The following RHD variants were observed in gnomAD, a reference collection of about 807,000 sequenced individuals.
The protein encoded by RHD is blood group Rh(D) polypeptide.
In RHD, 16 loss-of-function variants were observed where a neutral mutation model predicts 45.5. The observed-to-expected ratio is 0.35, with a 90% confidence interval of 0.24 to 0.53. The LOEUF (loss-of-function observed/expected upper bound fraction) is 0.53, where lower values mean the gene tolerates loss of function less well. RHD is among the 20% of genes least tolerant of loss of function. The probability of loss-of-function intolerance (pLI) is 0.92; values close to 1 mark genes in which losing one functional copy is unlikely to be tolerated. For missense variants in RHD, 306 were observed against 532.0 expected, an observed-to-expected ratio of 0.58 and a Z score of 4.18; for synonymous variants, 131 against 217.5, an observed-to-expected ratio of 0.60 and a Z score of 3.50.
intron 1 of RHD, among the ~76,000 whole-genome samples, chr1:25,275,938 CTG>C (rs1282435446): frequency 1.5e-5 from 2 of 132,524 alleles, no homozygotes; most frequent in African/African-American, 5.2e-5. Context: ...TGCTTCCAAT[CTG>C]TGTTTTTCTG....
rs1371568210 is a variant in RHD at position 25,313,013 on chromosome 1, G to A, written c.1074-3987G>A. ...AGAAGGACATGCATTTTGGGGGCTG[G>A]GGCAGGATGCTGTGGTTTGAATGCA... On this transcript the variant is annotated intron_variant, in intron 7 of 9. Transcript: ENST00000328664. Among the ~76,000 whole-genome samples the A allele has an allele frequency of 1.6e-5, 2 of 121,668 alleles. 1 individual carries two copies. The highest frequency in any genetic ancestry group is 5.5e-5 in the African/African-American group (2 of 36,638). The allele number at this position is 121,668 out of a possible 152,430, so 79.8% of individuals were successfully genotyped here.
chr1:25,320,189 C>T (rs1372848098), intron 8 of RHD, among the ~76,000 whole-genome samples: 4 of 131,984 alleles, frequency 3.0e-5, no homozygotes, highest in African/African-American at 5.2e-5. Context: ...TAAGCCACTG[C>T]GACCGGCCGA....
chr1:25,287,942 G>C lies in RHD; in HGVS notation c.336-2699G>C, dbSNP rs374101697. ...TTCACCAGGTGGGTCAGGTTGGTCT[G>C]GAACTCCCGACCTCAAGTGATCCAC... On this transcript the variant is annotated intron_variant, in intron 2 of 9. Transcript: ENST00000328664. Among the ~76,000 whole-genome samples, 159 of 131,976 alleles carry C rather than the reference G, an allele frequency of 1.2e-3. 31 individuals are homozygous for C. The South Asian group carries it at 0.018, about 15-fold the overall frequency. The allele number at this position is 131,976 out of a possible 152,430, so 86.6% of individuals were successfully genotyped here. A position where few individuals can be genotyped will look rare whatever the true frequency, so the allele number is the denominator to read the frequency against.
At chr1:25,285,128 C>A (rs1254800434) in intron 2 of RHD, among the ~76,000 whole-genome samples, 1 of 131,134 alleles carries the variant, frequency 7.6e-6, no homozygotes, top group Admixed American at 7.3e-5. Flanking sequence ...CCTAGAGAGA[C>A]ATTCTATTTT....
chr1:25,304,486 G>T lies in RHD; in HGVS notation c.939+1027G>T, dbSNP rs1466638214. On this transcript the variant is annotated intron_variant, in intron 6 of 9. Coordinates refer to ENST00000328664, the MANE Select transcript of RHD (RefSeq NM_016124.6). ...GGTGGCGGGCACCTGTCATCTTAGC[G>T]ACTCAGGAGGCTGAGACACGAGAAT... is the stretch of plus-strand genomic sequence containing the variant. 1.2e-4 allele frequency: 15 copies of T among 129,508 alleles called. 5 individuals are homozygous for T. Among genetic ancestry groups the T allele is most frequent in the Admixed American group, 4.5e-4 (6 of 13,312 alleles). The allele number at this position is 129,508 out of a possible 1,614,324, so 8.0% of individuals were successfully genotyped here. A position where few individuals can be genotyped will look rare whatever the true frequency, so the allele number is the denominator to read the frequency against.
chr1:25,285,426 G>T lies in RHD; in HGVS notation c.335+667G>T, dbSNP rs1259674493. ...TGGGATTACAGACATGAGCCACCGCGTCCAGCCTGAGAGACATTCTCTTGA... is the reference window on the plus strand; with the variant it reads ...TGGGATTACAGACATGAGCCACCGCTTCCAGCCTGAGAGACATTCTCTTGA... On this transcript the variant is annotated intron_variant, in intron 2 of 9. Transcript: ENST00000328664. Among the ~76,000 whole-genome samples the T allele has an allele frequency of 3.0e-5, 4 of 135,026 alleles. 1 individual carries two copies. Among genetic ancestry groups the T allele is most frequent in the Non-Finnish European group, 7.0e-5 (4 of 56,972 alleles). The allele number at this position is 135,026 out of a possible 152,430, so 88.6% of individuals were successfully genotyped here.
Position 25,282,667 on chromosome 1 carries a change from G to A in RHD, c.149-1906G>A, listed in dbSNP as rs562152237. ...AGGCTGGGCACGATGGCTCATGCCT[G>A]TAATCCCAGCACTTTGGGAGACGGA... On this transcript the variant is annotated intron_variant, in intron 1 of 9. Coordinates refer to ENST00000328664, the MANE Select transcript of RHD (RefSeq NM_016124.6). Among the ~76,000 whole-genome samples the A allele has an allele frequency of 5.3e-5, 7 of 132,316 alleles. 2 individuals carry two copies. The highest frequency in any genetic ancestry group is 1.8e-4 in the African/African-American group (7 of 38,984). 86.8% of individuals were successfully genotyped at this position (132,316 alleles called of 152,430 possible). A position where few individuals can be genotyped will look rare whatever the true frequency, so the allele number is the denominator to read the frequency against.
chr1:25,319,608 C>T lies in RHD; in HGVS notation c.1154-2281C>T, dbSNP rs183035317. On this transcript the variant is annotated intron_variant, in intron 8 of 9. Transcript: ENST00000328664. ...TGGACAACAGAGCAAGACCCTGTCT[C>T]AAAAAAGGAAACAAAACAACTTGGA... Among the ~76,000 whole-genome samples, 160 of 131,504 alleles carry T rather than the reference C, an allele frequency of 1.2e-3. 17 individuals carry two copies. Among genetic ancestry groups the T allele is most frequent in the African/African-American group, 3.8e-3 (147 of 38,666 alleles). 86.3% of individuals were successfully genotyped at this position (131,504 alleles called of 152,430 possible).
rs1469068525 is a variant in RHD at position 25,304,876 on chromosome 1, T to G, written c.939+1417T>G. On this transcript the variant is annotated intron_variant, in intron 6 of 9. Coordinates refer to ENST00000328664, the MANE Select transcript of RHD (RefSeq NM_016124.6). ...AGAACACATAGCAAGTTATCATCAG[T>G]CTCAGCGCCCATCGCATTCCCTGAG... 1.1e-4 allele frequency: 14 copies of G among 132,030 alleles called. 5 individuals are homozygous for G. Among genetic ancestry groups the G allele is most frequent in the East Asian group, 1.9e-4 (1 of 5,140 alleles). The allele number at this position is 132,030 out of a possible 1,614,324, so 8.2% of individuals were successfully genotyped here.
chr1:25,301,000 C>G lies in RHD; in HGVS notation c.541C>G (p.Leu181Val), dbSNP rs139508538. The change falls in exon 4 of 10, where the codon CTG (leucine) becomes GTG (valine). Residue 181 changes from leucine to valine, a missense_variant. Physicochemically the swap from Leu to Val is conservative, Grantham distance 32. Transcript: ENST00000328664. Reference sequence around the variant, plus strand: ...CTACGTGTTCGCAGCCTATTTTGGGCTGTCTGTGGCCTGGTGCCTGCCAAA... The same window carrying G: ...CTACGTGTTCGCAGCCTATTTTGGGGTGTCTGTGGCCTGGTGCCTGCCAAA... ...HIYVFAAYFG[L>V]SVAWCLPKPL... The G allele has an allele frequency of 1.2e-5, 17 of 1,378,702 alleles. 5 individuals carry two copies. Among genetic ancestry groups the G allele is most frequent in the Admixed American group, 8.9e-5 (5 of 56,256 alleles). 85.4% of individuals were successfully genotyped at this position (1,378,702 alleles called of 1,614,324 possible). A position where few individuals can be genotyped will look rare whatever the true frequency, so the allele number is the denominator to read the frequency against.
At chr1:25,276,262 G>C (rs940743805) in intron 1 of RHD, among the ~76,000 whole-genome samples, 6 of 130,116 alleles carry the variant, frequency 4.6e-5, no homozygotes, top group African/African-American at 1.6e-4. Context: ...TCTGGGGTTT[G>C]CTTTTATGCC....
In RHD at chr1:25,297,965, T is replaced by G. The variant is rs575827872; in HGVS notation, c.487-2981T>G. On this transcript the variant is annotated intron_variant, in intron 3 of 9. Transcript: ENST00000328664. ...TCTGTGCTCTCCATCTTTTGGCTCT[T>G]ATTCTCTCCGTACATCTAACATCTC... 2.4e-4 allele frequency among the ~76,000 whole-genome samples: 31 copies of G among 131,166 alleles called. 3 individuals are homozygous for G. Among genetic ancestry groups the G allele is most frequent in the East Asian group, 7.8e-4 (4 of 5,118 alleles). 86.0% of individuals were successfully genotyped at this position (131,166 alleles called of 152,430 possible). A position where few individuals can be genotyped will look rare whatever the true frequency, so the allele number is the denominator to read the frequency against.
intron 7 of RHD, among the ~76,000 whole-genome samples, chr1:25,309,387 C>G: frequency 7.6e-6 from 1 of 131,472 alleles, no homozygotes. Context: ...TTGTTAACCA[C>G]TCTTTTGAAT....
chr1:25,310,333 G>A (rs1571708909), intron 7 of RHD, among the ~76,000 whole-genome samples: 1 of 132,998 alleles, frequency 7.5e-6, no homozygotes, highest in African/African-American at 2.5e-5. Context: ...TGACTTATAA[G>A]AAGAGAAAGA....
intron 4 of RHD, 63 bp downstream of exon 4, chr1:25,301,156 T>C (rs1643358256): frequency 1.5e-6 from 2 of 1,316,200 alleles, no homozygotes; most frequent in Admixed American, 3.6e-5. Context: ...CAGAAAAGGC[T>C]CTGGCTGAAA....
rs201507704 is a variant in RHD, at chr1:25,280,857, C to T, written c.149-3716C>T. ...AACTCCTCAGCTCAAGCAATCCTCC[C>T]TCCTTGGCCTCCCAAAGTGCTGGGA... On this transcript the variant is annotated intron_variant, in intron 1 of 9. Coordinates refer to ENST00000328664, the MANE Select transcript of RHD (RefSeq NM_016124.6). 1.5e-4 allele frequency among the ~76,000 whole-genome samples: 20 copies of T among 132,002 alleles called. 2 individuals are homozygous for T. The highest frequency in any genetic ancestry group is 6.9e-4 in the South Asian group (3 of 4,328). The allele number at this position is 132,002 out of a possible 152,430, so 86.6% of individuals were successfully genotyped here. A position where few individuals can be genotyped will look rare whatever the true frequency, so the allele number is the denominator to read the frequency against.
In RHD at chr1:25,306,697, G is replaced by A. The variant is rs777114029; in HGVS notation, c.1041G>A (p.Leu347=). The part of the protein sequence containing the change: ...LLGEIIYIVL[L]VLDTVGAGNG... ...GAGAGATCATCTACATTGTGCTGCT[G>A]GTGCTTGATACCGTCGGAGCCGGCA... is the stretch of plus-strand genomic sequence containing the variant. The change falls in exon 7 of 10, where the codon CTG becomes CTA. Residue 347 remains leucine (L), a synonymous_variant. Coordinates refer to ENST00000328664, the MANE Select transcript of RHD (RefSeq NM_016124.6). The A allele has an allele frequency of 1.9e-5, 26 of 1,378,460 alleles. 6 individuals are homozygous for A. Among genetic ancestry groups the A allele is most frequent in the Non-Finnish European group, 2.7e-5 (26 of 979,164 alleles). 85.4% of individuals were successfully genotyped at this position (1,378,460 alleles called of 1,614,324 possible).
At chr1:25,308,719 A>G (rs1180136165) in intron 7 of RHD, among the ~76,000 whole-genome samples, 1 of 128,350 alleles carries the variant, frequency 7.8e-6, no homozygotes, top group East Asian at 2.0e-4. Context: ...GAGTGAGTTG[A>G]GGACCAAGAA....
Position 25,329,049 on chromosome 1 carries a change from A to T in RHD, c.*125A>T. On this transcript the variant is annotated 3_prime_UTR_variant, in exon 10 of 10. Transcript: ENST00000328664. The stretch of plus-strand genomic sequence containing the variant: ...TCTCCAATGTTCGCGCAGGCACTGG[A>T]GTCAGAGAAAATGGAGTTGAATCCT... The T allele has an allele frequency of 7.3e-7, 1 of 1,371,686 alleles. No individual in the cohort carries two copies. The highest frequency in any genetic ancestry group is 1.2e-5 in the South Asian group (1 of 84,482). The allele number at this position is 1,371,686 out of a possible 1,614,324, so 85.0% of individuals were successfully genotyped here.
Sources: gnomAD v4.1 joint callset for allele counts (sites outside exome capture counted in the v4.1 genomes callset) on GRCh38, gnomAD v4.1.1 for gene constraint, MANE v1.5 for transcripts, NCBI Gene and HGNC (gene_info 2026-07-23, HGNC 2026-07-21) for gene names.